The following ARL5B variants were observed in gnomAD, a reference collection of about 807,000 sequenced individuals.
ARL5B encodes the protein ADP-ribosylation factor-like protein 5B.
ARL5B carries 10 observed loss-of-function variants against 26.9 expected under a neutral mutation model. The ratio of observed to expected loss-of-function variants is 0.37; its 90% CI spans 0.23 to 0.63. The LOEUF (loss-of-function observed/expected upper bound fraction) is 0.63. Ranked by LOEUF, ARL5B falls within the 30% of genes least tolerant of loss-of-function variation. The pLI is 0.62. For missense variants in ARL5B, 167 were observed against 213.9 expected (o/e 0.78, Z 1.37); for synonymous variants, 87 against 70.4 (o/e 1.24, Z -1.18).
In ARL5B at chr10:18,676,181, GTTTC is replaced by G. The variant is rs940726455; in HGVS notation, c.*968_*971del. The stretch of plus-strand genomic sequence containing the variant: ...AGCCGAAGTATGAACAGTCCATTTT[GTTTC>G]TTAAAATTTGAAGTCGTGTCTGTCA... On this transcript the variant is annotated 3_prime_UTR_variant, in exon 6 of 6. Transcript: ENST00000377275. 5 of 152,422 alleles carry G rather than the reference GTTTC, an allele frequency of 3.3e-5. No homozygotes were observed. The highest frequency in any genetic ancestry group is 1.2e-4 in the African/African-American group (5 of 41,420). The allele number at this position is 152,422 out of a possible 1,614,324, so 9.4% of individuals were successfully genotyped here. A position where few individuals can be genotyped will look rare whatever the true frequency, so the allele number is the denominator to read the frequency against.
chr10:18,674,117 G>C lies in ARL5B; in HGVS notation c.473G>C (p.Cys158Ser). 6.2e-7 allele frequency: 1 copy of C among 1,611,108 alleles called. No individual in the cohort carries two copies. Among genetic ancestry groups the C allele is most frequent in the Non-Finnish European group, 8.5e-7 (1 of 1,178,692 alleles). ...CATCCATGGCACATTCAATCCTGCT[G>C]TGCTCTCACAGGAGAAGGGTAAGTT... is the stretch of plus-strand genomic sequence containing the variant. The part of the protein sequence containing the change: ...KDHPWHIQSC[C>S]ALTGEGLCQG... The change falls in exon 5 of 6, where the codon TGT becomes TCT. Residue 158 changes from cysteine (C) to serine (S), a missense_variant. Physicochemically the swap from Cys to Ser is moderately radical, Grantham distance 112 (BLOSUM62 -1). Transcript: ENST00000377275.
At chr10:18,663,122 C>A (rs749072624) in intron 1 of ARL5B, among the ~76,000 whole-genome samples, 1 of 152,116 alleles carries the variant, frequency 6.6e-6, no homozygotes, top group East Asian at 1.9e-4. Context: ...AATTCTCCTG[C>A]CCCACCCTCT....
chr10:18,680,749 A>G lies in ARL5B; in HGVS notation c.*5533A>G, dbSNP rs564366029. 3 of 152,278 alleles carry G rather than the reference A, an allele frequency of 2.0e-5. No homozygotes were observed. The highest frequency in any genetic ancestry group is 2.0e-4 in the Admixed American group (3 of 15,282). 9.4% of individuals were successfully genotyped at this position (152,278 alleles called of 1,614,324 possible). ...TTTTTCAATTACAGAATAGTTACAA[A>G]TTTTACCATGTTCATCTATTCCACA... On this transcript the variant is annotated 3_prime_UTR_variant, in exon 6 of 6. Transcript: ENST00000377275.
chr10:18,672,720 T>C lies in ARL5B; in HGVS notation c.339+15T>C, dbSNP rs2059893194. 1 of 1,565,888 alleles carries C rather than the reference T, an allele frequency of 6.4e-7. No homozygotes were observed. Among genetic ancestry groups the C allele is most frequent in the Non-Finnish European group, 8.8e-7 (1 of 1,141,768 alleles). On this transcript the variant is annotated intron_variant, in intron 4 of 5. Transcript: ENST00000377275. Reference sequence around the variant, plus strand: ...TGGCTCATGAGGTAAATTTTTAAAGTAAATCTTTAAAAAACAGTGTAGTAA... The same window carrying C: ...TGGCTCATGAGGTAAATTTTTAAAGCAAATCTTTAAAAAACAGTGTAGTAA...
At chr10:18,660,454 C>G (rs1038854959) in intron 1 of ARL5B, among the ~76,000 whole-genome samples, 1 of 152,146 alleles carries the variant, frequency 6.6e-6, no homozygotes, top group African/African-American at 2.4e-5. Context: ...TTGAGGCGTC[C>G]TTTGAACAGA....
chr10:18,672,541 C>T (rs913783557), intron 3 of ARL5B, 81 bp from the exon 4 acceptor site: 1 of 942,558 alleles, frequency 1.1e-6, no homozygotes, highest in Non-Finnish European at 1.7e-6. Context: ...AGAGAAAGTA[C>T]TTAGATTACT....
chr10:18,673,467 A>T lies in ARL5B; in HGVS notation c.340-517A>T, dbSNP rs146739331. Among the ~76,000 whole-genome samples the T allele has an allele frequency of 3.7e-3, 567 of 152,298 alleles. 4 individuals are homozygous for T. Among genetic ancestry groups the T allele is most frequent in the African/African-American group, 0.012 (515 of 41,572 alleles). On this transcript the variant is annotated intron_variant, in intron 4 of 5. Transcript: ENST00000377275. ...CCATGATAATATATTCTGATTATCC[A>T]TCTTAATATGTACTGCTTTCGTTCA...
intron 3 of ARL5B, among the ~76,000 whole-genome samples, chr10:18,670,966 C>T (rs531589540): frequency 1.7e-4 from 26 of 152,222 alleles, no homozygotes; most frequent in African/African-American, 6.0e-4. Context: ...AAATTCTTCA[C>T]GTGGAAGAGT....
In ARL5B at chr10:18,675,194, C is replaced by T. The variant is rs376615353; in HGVS notation, c.518C>T (p.Thr173Ile). The T allele has an allele frequency of 2.5e-6, 4 of 1,613,436 alleles. No individual in the cohort carries two copies. The highest frequency in any genetic ancestry group is 3.3e-4 in the Middle Eastern group (2 of 6,060). ...EGLCQGLEWM[T>I]SRIGVR ...TTATGCCAAGGTCTAGAGTGGATGACCTCCCGGATTGGTGTGAGATAACTT... is the reference window on the plus strand; with the variant it reads ...TTATGCCAAGGTCTAGAGTGGATGATCTCCCGGATTGGTGTGAGATAACTT... Residue 173 changes from threonine (T) to isoleucine (I), a missense_variant, in exon 6 of 6, where the codon ACC becomes ATC. Thr to Ile is a moderately conservative substitution (Grantham distance 89, BLOSUM62 -1). Transcript: ENST00000377275.
At chr10:18,674,291 A>T (rs2059901045) in intron 5 of ARL5B, among the ~76,000 whole-genome samples, 156 bp downstream of exon 5, 2 of 152,234 alleles carry the variant, frequency 1.3e-5, no homozygotes, top group Admixed American at 1.3e-4. Context: ...ACAACCTAGA[A>T]ATAATTCTAG....
At chr10:18,670,358 C>T (rs987343222) in intron 3 of ARL5B, among the ~76,000 whole-genome samples, 1 of 152,150 alleles carries the variant, frequency 6.6e-6, no homozygotes, top group Non-Finnish European at 1.5e-5. Flanking sequence ...CTTCTGTAAT[C>T]CCAGCACTTT....
At chr10:18,670,612 A>G (rs909323347) in intron 3 of ARL5B, among the ~76,000 whole-genome samples, 1 of 151,966 alleles carries the variant, frequency 6.6e-6, no homozygotes, top group African/African-American at 2.4e-5. Flanking sequence ...CTCTCTCTCA[A>G]AAAAAAAGAA....
chr10:18,663,538 A>ATTCTGCTC (rs1255231812), intron 1 of ARL5B, among the ~76,000 whole-genome samples: 1 of 125,750 alleles, frequency 8.0e-6, no homozygotes. Context: ...TCTTTAGCTT[A>ATTCTGCTC]TTCTGCTCTT....
chr10:18,670,998 C>T (rs1302277036), intron 3 of ARL5B, among the ~76,000 whole-genome samples: 2 of 152,042 alleles, frequency 1.3e-5, no homozygotes, highest in Non-Finnish European at 2.9e-5. Flanking sequence ...GGTAGTATGT[C>T]CATTATAATA....
rs376615353 is a variant in ARL5B at position 18,675,194 on chromosome 10, C to A, written c.518C>A (p.Thr173Asn). Reference sequence around the variant, plus strand: ...TTATGCCAAGGTCTAGAGTGGATGACCTCCCGGATTGGTGTGAGATAACTT... The same window carrying A: ...TTATGCCAAGGTCTAGAGTGGATGAACTCCCGGATTGGTGTGAGATAACTT... Reference protein sequence around the residue: ...EGLCQGLEWMTSRIGVR With the variant: ...EGLCQGLEWMNSRIGVR Residue 173 changes from threonine to asparagine, a missense_variant, in exon 6 of 6, where the codon ACC becomes AAC. Thr to Asn is a moderately conservative substitution (Grantham distance 65). Coordinates refer to ENST00000377275, the MANE Select transcript of ARL5B (RefSeq NM_178815.5). 3 of 1,613,436 alleles carry A rather than the reference C, an allele frequency of 1.9e-6. No individual in the cohort carries two copies. The highest frequency in any genetic ancestry group is 2.5e-6 in the Non-Finnish European group (3 of 1,179,472).
intron 3 of ARL5B, among the ~76,000 whole-genome samples, chr10:18,671,297 G>C (rs370444741): frequency 1.3e-5 from 2 of 151,702 alleles, no homozygotes; most frequent in African/African-American, 4.8e-5. Context: ...CTCAGCCTCC[G>C]AAGTAGCAGG....
At chr10:18,663,238 C>T (rs1399946992) in intron 1 of ARL5B, among the ~76,000 whole-genome samples, 1 of 152,040 alleles carries the variant, frequency 6.6e-6, no homozygotes, top group Non-Finnish European at 1.5e-5. Context: ...GAACTCCTGA[C>T]CTCAGGTGAT....
At chr10:18,664,695 C>T (rs1006085745) in intron 1 of ARL5B, among the ~76,000 whole-genome samples, 1 of 152,042 alleles carries the variant, frequency 6.6e-6, no homozygotes, top group Admixed American at 6.5e-5. Context: ...ACCTCGGCCT[C>T]CCAAAGTGCT....
chr10:18,670,685 A>G (rs939084524), intron 3 of ARL5B, among the ~76,000 whole-genome samples: 1 of 152,236 alleles, frequency 6.6e-6, no homozygotes, highest in Admixed American at 6.5e-5. Context: ...AGCTGTTAGT[A>G]GTTTTAAGCT....
Sources: allele counts gnomAD v4.1 joint callset (sites outside exome capture counted in the v4.1 genomes callset), GRCh38; gene constraint gnomAD v4.1.1; transcripts MANE v1.5; gene names NCBI Gene and HGNC (gene_info 2026-07-23, HGNC 2026-07-21).